The following PRDM1 variants were observed in gnomAD, a reference collection of about 807,000 sequenced individuals.
PRDM1 encodes PR/SET domain 1.
PRDM1 carries 13 observed loss-of-function variants against 62.8 expected under a neutral mutation model. The observed-to-expected ratio is 0.21, with a 90% CI of 0.13 to 0.33. PRDM1 has a LOEUF of 0.33. Among genes scored for constraint, PRDM1 ranks in the 10% least tolerant of loss-of-function variants. The pLI is 1.00. For missense variants in PRDM1, 895 were observed against 1,058.8 expected (o/e 0.85, Z 2.15); for synonymous variants, 396 against 417.6 (o/e 0.95, Z 0.63).
chr6:106,015,666 A>G (rs146078837), intron 1 of PRDM1, among the ~76,000 whole-genome samples: 1 of 152,300 alleles, frequency 6.6e-6, no homozygotes, highest in East Asian at 1.9e-4. Context: ...TGTTTATATC[A>G]TTCTGATTTT....
At chr6:105,999,606 G>C (rs2114540988) in intron 1 of PRDM1, among the ~76,000 whole-genome samples, 1 of 152,180 alleles carries the variant, frequency 6.6e-6, no homozygotes, top group South Asian at 2.1e-4. Context: ...GTGTACCTAA[G>C]CTACCTTCCA....
At chr6:106,097,079 G>C (rs1162771880) in intron 3 of PRDM1, among the ~76,000 whole-genome samples, 5 of 152,110 alleles carry the variant, frequency 3.3e-5, no homozygotes, top group Non-Finnish European at 7.4e-5. Context: ...AAAGAGGGTA[G>C]TTACAGATTC....
At chr6:106,070,134 G>A (rs1444395982) in intron 1 of PRDM1, among the ~76,000 whole-genome samples, 3 of 152,064 alleles carry the variant, frequency 2.0e-5, no homozygotes, top group Non-Finnish European at 4.4e-5. Context: ...TGGACTAGTG[G>A]GTTTGTGTCA....
Position 106,109,229 on chromosome 6 carries a change from C to T in PRDM1, c.*1743C>T, listed in dbSNP as rs1396355541. 2 of 230,512 alleles carry T rather than the reference C, an allele frequency of 8.7e-6. No individual in the cohort carries two copies. Among genetic ancestry groups the T allele is most frequent in the Admixed American group, 1.1e-4 (2 of 17,662 alleles). 14.3% of individuals were successfully genotyped at this position (230,512 alleles called of 1,614,324 possible). ...TAAAACCTTGGTGCAGTGGTGGGGACCACAAAACAACCAGGGAGGAAGAGA... is the reference window on the plus strand; with the variant it reads ...TAAAACCTTGGTGCAGTGGTGGGGATCACAAAACAACCAGGGAGGAAGAGA... On this transcript the variant is annotated 3_prime_UTR_variant, in exon 7 of 7. Coordinates refer to ENST00000369096, the MANE Select transcript of PRDM1 (RefSeq NM_001198.4).
intron 1 of PRDM1, among the ~76,000 whole-genome samples, chr6:106,012,390 A>G (rs1009225720): frequency 1.3e-5 from 2 of 150,336 alleles, no homozygotes; most frequent in African/African-American, 5.0e-5. Context: ...TACCACACAC[A>G]AAACATACCA....
chr6:106,081,788 T>C (rs1272708727), upstream of PRDM1, among the ~76,000 whole-genome samples: 1 of 152,226 alleles, frequency 6.6e-6, no homozygotes, highest in Non-Finnish European at 1.5e-5. Context: ...TAATATTCTG[T>C]GATTTCAGGG....
rs919348724 is a variant in PRDM1, at chr6:105,994,286, C to T, written c.-67+647C>T. 2.6e-5 allele frequency among the ~76,000 whole-genome samples: 4 copies of T among 152,078 alleles called. No homozygotes were observed. The highest frequency in any genetic ancestry group is 5.9e-5 in the Non-Finnish European group (4 of 68,008). The stretch of plus-strand genomic sequence containing the variant: ...TCCCCCGGGGTCGTTGTTGGAAAAG[C>T]AAATTCCACGGTGAACTCTACCAAG... On this transcript the variant is annotated intron_variant, in intron 1 of 6. Coordinates refer to the PRDM1 transcript ENST00000652320. The surrounding 1 kb of genome is among the most constrained non-coding windows in gnomAD (Gnocchi z 4.1).
At chr6:106,029,955 T>A (rs1772820707) in intron 1 of PRDM1, among the ~76,000 whole-genome samples, 1 of 152,224 alleles carries the variant, frequency 6.6e-6, no homozygotes, top group African/African-American at 2.4e-5. Context: ...TCATGACTAA[T>A]GATGTTGAAC....
At chr6:106,083,492 A>C (rs1773732553), upstream of PRDM1, among the ~76,000 whole-genome samples, 1 of 152,094 alleles carries the variant, frequency 6.6e-6, no homozygotes, top group Admixed American at 6.6e-5. Context: ...TTCCCTATAG[A>C]GTCATCTGGC....
At chr6:106,088,124 A>G (rs997527930) in intron 1 of PRDM1, 77 bp from the exon 2 acceptor site, 6 of 1,505,246 alleles carry the variant, frequency 4.0e-6, no homozygotes, top group Middle Eastern at 2.4e-4. Context: ...AGACTACTGT[A>G]TTAGTCATAG....
At chr6:106,088,152 C>T in intron 1 of PRDM1, 49 bp from the exon 2 acceptor site, 3 of 1,543,414 alleles carry the variant, frequency 1.9e-6, no homozygotes, top group African/African-American at 1.4e-5. Flanking sequence ...GAAGGAGCCA[C>T]AGGAACGGCG....
At chr6:106,055,280 A>G (rs1287157176) in intron 1 of PRDM1, among the ~76,000 whole-genome samples, 2 of 152,092 alleles carry the variant, frequency 1.3e-5, no homozygotes, top group African/African-American at 2.4e-5. Flanking sequence ...TTTTACGGGA[A>G]TTTTTTTCTT....
At chr6:106,086,299 A>G (rs1007141223), upstream of PRDM1, 5 of 423,386 alleles carry the variant, frequency 1.2e-5, no homozygotes, top group African/African-American at 1.0e-4. Flanking sequence ...CCGAGTGGCT[A>G]AGGAAATCTT....
intron 1 of PRDM1, among the ~76,000 whole-genome samples, chr6:106,029,527 C>T (rs552265074): frequency 4.7e-4 from 71 of 152,236 alleles, no homozygotes; most frequent in Non-Finnish European, 8.4e-4. Flanking sequence ...CATGTTGTTG[C>T]GTGGATCAAG....
upstream of PRDM1, among the ~76,000 whole-genome samples, chr6:106,081,553 G>A (rs1773694521): frequency 2.6e-5 from 4 of 152,178 alleles, no homozygotes; most frequent in South Asian, 8.3e-4. Context: ...GGGATATATG[G>A]TCTTCGACTT....
chr6:106,010,529 T>G (rs1772532727), intron 1 of PRDM1, among the ~76,000 whole-genome samples: 1 of 152,214 alleles, frequency 6.6e-6, no homozygotes, highest in African/African-American at 2.4e-5. Context: ...ATATACACCA[T>G]GCACCTTATC....
chr6:106,037,682 G>T (rs1227579938), intron 1 of PRDM1, among the ~76,000 whole-genome samples: 1 of 151,968 alleles, frequency 6.6e-6, no homozygotes, highest in Non-Finnish European at 1.5e-5. Context: ...GTACTTTTCA[G>T]CTGTAGAGTT....
rs1018268056 is a variant in PRDM1, at chr6:106,001,333, C to T, written c.-67+7694C>T. 2.6e-5 allele frequency among the ~76,000 whole-genome samples: 4 copies of T among 152,168 alleles called. No individual in the cohort carries two copies. The South Asian group carries it at 6.2e-4, about 24-fold the overall frequency. ...TTCCTAAATCTTTGGTTTAGCCTTG[C>T]GTTGTTTATGGTGTCTTAAAAATGC... On this transcript the variant is annotated intron_variant, in intron 1 of 6. Transcript: ENST00000652320.
intron 1 of PRDM1, among the ~76,000 whole-genome samples, chr6:106,060,333 C>T (rs1001292559): frequency 2.6e-5 from 4 of 152,066 alleles, no homozygotes; most frequent in African/African-American, 7.2e-5. Flanking sequence ...ATAAACAAGC[C>T]GAAAACAGAA....
Sources: gnomAD v4.1 joint callset for allele counts (sites outside exome capture counted in the v4.1 genomes callset) on GRCh38, gnomAD v4.1.1 for gene constraint, Gnocchi (gnomAD v3.1) non-coding constraint, MANE v1.5 for transcripts, NCBI Gene and HGNC (gene_info 2026-07-23, HGNC 2026-07-21) for gene names.